Variants in ADAMTS16 observed in about 807,000 individuals in gnomAD.
ADAMTS16 encodes the protein A disintegrin and metalloproteinase with thrombospondin motifs 16.
In ADAMTS16, 94 loss-of-function variants were observed where a neutral mutation model predicts 145.8. That is an observed-to-expected ratio of 0.64 (90% CI 0.55 to 0.77). ADAMTS16 has a LOEUF of 0.77. ADAMTS16 is among the 30% of genes least tolerant of loss of function. The pLI is 0.00. For synonymous variants in ADAMTS16, 659 were observed against 604.3 expected, an observed-to-expected ratio of 1.09 and a Z score of -1.33; for missense variants, 1,585 against 1,591.5, an observed-to-expected ratio of 1.00 and a Z score of 0.07.
chr5:5,178,550 G>T (rs1735255585), intron 3 of ADAMTS16, among the ~76,000 whole-genome samples: 1 of 152,120 alleles, frequency 6.6e-6, no homozygotes, highest in African/African-American at 2.4e-5. Flanking sequence ...GTTTATCAAG[G>T]CATATCAAAA....
chr5:5,251,689 T>C (rs1354983528), intron 17 of ADAMTS16, among the ~76,000 whole-genome samples: 1 of 152,212 alleles, frequency 6.6e-6, no homozygotes, highest in Non-Finnish European at 1.5e-5. Flanking sequence ...GTAAGATCAC[T>C]GTTTCAGAAA....
intron 3 of ADAMTS16, among the ~76,000 whole-genome samples, chr5:5,157,817 T>C (rs1325781195): frequency 6.6e-6 from 1 of 152,228 alleles, no homozygotes; most frequent in Non-Finnish European, 1.5e-5. Flanking sequence ...GAGAACTTTT[T>C]CAAAGAATGT....
At chr5:5,251,270 C>CT (rs1737614297) in intron 17 of ADAMTS16, among the ~76,000 whole-genome samples, 2 of 152,168 alleles carry the variant, frequency 1.3e-5, no homozygotes. Flanking sequence ...TAGTGATCAG[C>CT]TTTTTCTATG....
At chr5:5,236,793 T>C (rs974299729) in intron 13 of ADAMTS16, among the ~76,000 whole-genome samples, 176 bp from the exon 14 acceptor site, 2 of 13,560 alleles carry the variant, frequency 1.5e-4, no homozygotes, top group Admixed American at 2.6e-3. Context: ...ATAAATAAAT[T>C]TAAAGAAACA....
intron 16 of ADAMTS16, among the ~76,000 whole-genome samples, chr5:5,240,429 G>A (rs1169174708): frequency 6.6e-5 from 10 of 152,208 alleles, no homozygotes; most frequent in Admixed American, 3.9e-4. Flanking sequence ...CCCCTGAACC[G>A]AGCAGTTCTG....
chr5:5,233,913 T>C (rs1440937933), intron 12 of ADAMTS16, among the ~76,000 whole-genome samples: 2 of 152,222 alleles, frequency 1.3e-5, no homozygotes, highest in Admixed American at 1.3e-4. Context: ...TTTGAGTAAT[T>C]GCCACACTGT....
intron 21 of ADAMTS16, among the ~76,000 whole-genome samples, chr5:5,311,285 C>T (rs957534239): frequency 3.4e-4 from 41 of 122,100 alleles, no homozygotes; most frequent in African/African-American, 8.1e-4. Context: ...ATGGACCAGG[C>T]GAGTTTGACA....
At chr5:5,226,312 T>TCATA (rs1736765359) in intron 11 of ADAMTS16, among the ~76,000 whole-genome samples, 1 of 152,086 alleles carries the variant, frequency 6.6e-6, no homozygotes, top group African/African-American at 2.4e-5. Context: ...AGAAGCAAAG[T>TCATA]CATACCTTAC....
intron 7 of ADAMTS16, among the ~76,000 whole-genome samples, chr5:5,191,282 C>T (rs1735657115): frequency 6.6e-6 from 1 of 152,176 alleles, no homozygotes; most frequent in African/African-American, 2.4e-5. Flanking sequence ...TGGGGACCTC[C>T]CAGCACACCC....
intron 21 of ADAMTS16, among the ~76,000 whole-genome samples, chr5:5,314,494 C>T (rs1419959345): frequency 6.6e-6 from 1 of 152,168 alleles, no homozygotes; most frequent in African/African-American, 2.4e-5. Context: ...ATTTGGGAGA[C>T]TGAGGAACAA....
At chr5:5,177,118 GC>G (rs767760867) in intron 3 of ADAMTS16, among the ~76,000 whole-genome samples, 5 of 152,160 alleles carry the variant, frequency 3.3e-5, no homozygotes, top group Non-Finnish European at 5.9e-5. Flanking sequence ...ACAAATATGT[GC>G]TGATATCACT....
chr5:5,151,936 A>G (rs1734475025), intron 3 of ADAMTS16, among the ~76,000 whole-genome samples: 1 of 151,940 alleles, frequency 6.6e-6, no homozygotes, highest in South Asian at 2.1e-4. Context: ...TCAATACTCT[A>G]CTTGCTACTT....
chr5:5,169,787 G>A (rs1044555669), intron 3 of ADAMTS16, among the ~76,000 whole-genome samples: 13 of 152,108 alleles, frequency 8.5e-5, no homozygotes, highest in Admixed American at 5.2e-4. Context: ...TCCTGTTCTC[G>A]CCTGCTCATG....
At chr5:5,154,285 T>C (rs901786283) in intron 3 of ADAMTS16, among the ~76,000 whole-genome samples, 6 of 152,162 alleles carry the variant, frequency 3.9e-5, no homozygotes, top group South Asian at 2.1e-4. Context: ...TATTAGGTTT[T>C]TGGATAAAGA....
chr5:5,199,934 A>T (rs543065916), intron 8 of ADAMTS16, among the ~76,000 whole-genome samples, 198 bp from the exon 9 acceptor site: 1 of 152,314 alleles, frequency 6.6e-6, no homozygotes, highest in South Asian at 2.1e-4. Flanking sequence ...AATTTGGTGG[A>T]TGGTCCATTC....
At chr5:5,149,937 T>C (rs1313842058) in intron 3 of ADAMTS16, among the ~76,000 whole-genome samples, 1 of 152,234 alleles carries the variant, frequency 6.6e-6, no homozygotes, top group Non-Finnish European at 1.5e-5. Context: ...GTTTATCAGT[T>C]GATGGACATT....
At chr5:5,169,618 C>T (rs1734994595) in intron 3 of ADAMTS16, among the ~76,000 whole-genome samples, 1 of 152,178 alleles carries the variant, frequency 6.6e-6, no homozygotes, top group African/African-American at 2.4e-5. Context: ...TGCCTTTCTG[C>T]AGCGTTGATT....
chr5:5,145,017 C>G lies in ADAMTS16; in HGVS notation c.176-1113C>G, dbSNP rs570761085. ...CCCCAGCCTTTTGGAATTGAGCTCT[C>G]CGAAAACAACTGGGGCCTCACGGGA... On this transcript the variant is annotated intron_variant, in intron 2 of 22. Coordinates refer to ENST00000274181, the MANE Select transcript of ADAMTS16 (RefSeq NM_139056.4). Among the ~76,000 whole-genome samples the G allele has an allele frequency of 1.2e-4, 18 of 152,262 alleles. No individual in the cohort carries two copies. In the East Asian group the frequency reaches 3.3e-3, roughly 28 times the overall value.
intron 17 of ADAMTS16, among the ~76,000 whole-genome samples, chr5:5,261,153 G>C (rs187384202): frequency 1.3e-5 from 2 of 152,278 alleles, no homozygotes; most frequent in East Asian, 3.9e-4. Context: ...GCATCAACTC[G>C]TTTGAGATAG....
Sources: allele counts gnomAD v4.1 joint callset (sites outside exome capture counted in the v4.1 genomes callset), GRCh38; gene constraint gnomAD v4.1.1; transcripts MANE v1.5; gene names NCBI Gene and HGNC (gene_info 2026-07-23, HGNC 2026-07-21).